The following CGNL1 variants were observed in gnomAD, a reference collection of about 807,000 sequenced individuals.
CGNL1 encodes the protein cingulin like 1.
Under a neutral mutation model 141.2 loss-of-function variants are expected in CGNL1, and 132 were observed. The observed-to-expected ratio is 0.93, with a 90% confidence interval of 0.81 to 1.08. The LOEUF (loss-of-function observed/expected upper bound fraction) is 1.08, where lower values mean the gene tolerates loss of function less well. CGNL1 is among the 50% of genes least tolerant of loss of function. CGNL1 has a pLI of 0.00. For missense variants in CGNL1, 1,870 were observed against 1,588.6 expected, an observed-to-expected ratio of 1.18 and a Z score of -3.01; for synonymous variants, 690 against 622.1, an observed-to-expected ratio of 1.11 and a Z score of -1.63.
intron 1 of CGNL1, among the ~76,000 whole-genome samples, chr15:57,428,892 A>G (rs1210974707): frequency 1.3e-5 from 2 of 152,024 alleles, no homozygotes; most frequent in Admixed American, 1.3e-4. Flanking sequence ...GTGTGGCGAC[A>G]TGTGCCTGTA....
At chr15:57,496,384 C>T (rs2063938139) in intron 8 of CGNL1, among the ~76,000 whole-genome samples, 1 of 152,114 alleles carries the variant, frequency 6.6e-6, no homozygotes, top group African/African-American at 2.4e-5. Context: ...TGTTAGGGAC[C>T]AGGAACACAA....
chr15:57,462,334 T>C (rs2152333904), intron 8 of CGNL1, among the ~76,000 whole-genome samples: 1 of 152,348 alleles, frequency 6.6e-6, no homozygotes, highest in Middle Eastern at 3.4e-3. Flanking sequence ...TGTAGCCTTT[T>C]GTTGGACAAT....
At chr15:57,539,236 C>G (rs143339796) in intron 14 of CGNL1, among the ~76,000 whole-genome samples, 1 of 152,128 alleles carries the variant, frequency 6.6e-6, no homozygotes, top group Non-Finnish European at 1.5e-5. Context: ...CTTCACTTTT[C>G]GGAAAATAAT....
intron 8 of CGNL1, among the ~76,000 whole-genome samples, chr15:57,508,151 A>G (rs1200186867): frequency 2.6e-5 from 4 of 152,020 alleles, no homozygotes; most frequent in African/African-American, 7.2e-5. Flanking sequence ...ATTTATTTCC[A>G]TCTCTCCCAT....
chr15:57,473,113 G>A (rs2063603625), intron 8 of CGNL1, among the ~76,000 whole-genome samples: 1 of 152,296 alleles, frequency 6.6e-6, no homozygotes, highest in South Asian at 2.1e-4. Context: ...CAAGAATTGG[G>A]TGGTGCAGTG....
chr15:57,451,018 A>AG (rs1189040801), intron 4 of CGNL1, among the ~76,000 whole-genome samples: 2 of 14,070 alleles, frequency 1.4e-4, no homozygotes, highest in Non-Finnish European at 6.4e-3. Context: ...CCATTAAAAT[A>AG]GAAAAAATGA....
At chr15:57,484,538 G>A (rs1358960906) in intron 8 of CGNL1, among the ~76,000 whole-genome samples, 1 of 151,946 alleles carries the variant, frequency 6.6e-6, no homozygotes, top group Non-Finnish European at 1.5e-5. Context: ...TTTGATTAGT[G>A]GTTTTTAGAT....
intron 4 of CGNL1, among the ~76,000 whole-genome samples, chr15:57,447,965 TA>T (rs1214248959): frequency 6.6e-6 from 1 of 152,190 alleles, no homozygotes; most frequent in Non-Finnish European, 1.5e-5. Flanking sequence ...AAGATGTCTT[TA>T]AAAGAATGTT....
rs187415859 is a variant in CGNL1 at position 57,393,158 on chromosome 15, G to A, written c.-16+16591G>A. 7.9e-5 allele frequency among the ~76,000 whole-genome samples: 12 copies of A among 152,278 alleles called. No individual in the cohort carries two copies. In the East Asian group the frequency reaches 2.1e-3, roughly 27 times the overall value. On this transcript the variant is annotated intron_variant, in intron 1 of 18. Coordinates refer to ENST00000281282, the MANE Select transcript of CGNL1 (RefSeq NM_032866.5). ...TCCCTTGCTCCAGGGTTCTAAGTTT[G>A]ATGCTCATAAATCAAAAGAAAGAAT...
At chr15:57,477,119 C>T (rs2063666273) in intron 8 of CGNL1, among the ~76,000 whole-genome samples, 1 of 152,144 alleles carries the variant, frequency 6.6e-6, no homozygotes, top group Non-Finnish European at 1.5e-5. Flanking sequence ...ACATTGAGTC[C>T]CCTTACAGTT....
chr15:57,528,018 G>A (rs2031721220), intron 12 of CGNL1, among the ~76,000 whole-genome samples: 1 of 152,216 alleles, frequency 6.6e-6, no homozygotes, highest in Admixed American at 6.5e-5. Flanking sequence ...CAATACTTTG[G>A]GAGACTGAGG....
chr15:57,484,370 A>C (rs1027546914), intron 8 of CGNL1, among the ~76,000 whole-genome samples: 2 of 152,146 alleles, frequency 1.3e-5, no homozygotes, highest in Non-Finnish European at 2.9e-5. Context: ...TATTTCATCT[A>C]AGTTGTCAGA....
chr15:57,400,797 C>T (rs2414502), intron 1 of CGNL1, among the ~76,000 whole-genome samples: 60,753 of 150,170 alleles, frequency 0.4, 12,393 homozygotes, highest in East Asian at 0.6. Flanking sequence ...GCAGGAGAAT[C>T]GCCTGAACCT....
chr15:57,526,974 T>C (rs1823025988), intron 12 of CGNL1, among the ~76,000 whole-genome samples: 1 of 152,246 alleles, frequency 6.6e-6, no homozygotes, highest in Admixed American at 6.5e-5. Flanking sequence ...TCATCTCATT[T>C]GATTCTCATA....
chr15:57,402,650 TGG>T (rs1457937940), intron 1 of CGNL1: 1 of 152,190 alleles, frequency 6.6e-6, no homozygotes, highest in Non-Finnish European at 1.5e-5. Context: ...TGCTCTCTGT[TGG>T]TTTCACAGTG....
At chr15:57,398,476 G>T (rs1265744475) in intron 1 of CGNL1, 12 of 152,232 alleles carry the variant, frequency 7.9e-5, no homozygotes, top group Admixed American at 2.0e-4. Flanking sequence ...GAGGAAGAGG[G>T]AAAGGGGAAA....
At chr15:57,422,660 T>C (rs2152284619) in intron 1 of CGNL1, among the ~76,000 whole-genome samples, 1 of 152,264 alleles carries the variant, frequency 6.6e-6, no homozygotes, top group East Asian at 1.9e-4. Flanking sequence ...TGTTTAAGAG[T>C]TAATTACATT....
intron 8 of CGNL1, among the ~76,000 whole-genome samples, chr15:57,465,185 A>G (rs1420744471): frequency 6.6e-6 from 1 of 152,146 alleles, no homozygotes; most frequent in African/African-American, 2.4e-5. Context: ...TAGTAGATGG[A>G]TGCTGTTTTT....
At chr15:57,537,461 A>G (rs2032322416) in intron 14 of CGNL1, among the ~76,000 whole-genome samples, 1 of 151,698 alleles carries the variant, frequency 6.6e-6, no homozygotes, top group South Asian at 2.1e-4. Context: ...TTTAATTGAA[A>G]TGCTCCTAAT....
Sources: allele counts gnomAD v4.1 joint callset (sites outside exome capture counted in the v4.1 genomes callset), GRCh38; gene constraint gnomAD v4.1.1; transcripts MANE v1.5; gene names NCBI Gene and HGNC (gene_info 2026-07-23, HGNC 2026-07-21).